The following LGR5 variants were observed in gnomAD, a reference collection of about 807,000 sequenced individuals.
LGR5 encodes leucine-rich repeat-containing G protein-coupled receptor 5.
Under a neutral mutation model 76.7 loss-of-function variants are expected in LGR5, and 54 were observed. The observed-to-expected ratio is 0.70, with a 90% CI of 0.57 to 0.88. The LOEUF (loss-of-function observed/expected upper bound fraction) is 0.88. Among genes scored for constraint, LGR5 ranks in the 40% least tolerant of loss-of-function variants. The probability of loss-of-function intolerance (pLI) is 0.00; values close to 1 mark genes in which losing one functional copy is unlikely to be tolerated. For missense variants in LGR5, 1,078 were observed against 1,073.3 expected, an observed-to-expected ratio of 1.00 and a Z score of -0.06; for synonymous variants, 406 against 421.9, an observed-to-expected ratio of 0.96 and a Z score of 0.46.
chr12:71,536,238 G>T (rs1876578665), intron 4 of LGR5, among the ~76,000 whole-genome samples: 1 of 152,214 alleles, frequency 6.6e-6, no homozygotes, highest in Admixed American at 6.5e-5. Context: ...GAATCCTTCG[G>T]TTAATAATTA....
chr12:71,567,660 C>T (rs1266349056), intron 11 of LGR5, among the ~76,000 whole-genome samples: 2 of 152,142 alleles, frequency 1.3e-5, no homozygotes, highest in Non-Finnish European at 2.9e-5. Flanking sequence ...TACTTAGCAG[C>T]ACTCAGAATG....
intron 16 of LGR5, among the ~76,000 whole-genome samples, chr12:71,581,875 G>T (rs1181616442): frequency 6.6e-6 from 1 of 152,132 alleles, no homozygotes; most frequent in Non-Finnish European, 1.5e-5. Flanking sequence ...AAAAATATTG[G>T]TCCCCAATTC....
intron 4 of LGR5, among the ~76,000 whole-genome samples, chr12:71,550,518 T>A (rs1877428843): frequency 6.7e-6 from 1 of 149,570 alleles, no homozygotes. Flanking sequence ...TGGAGTGCAG[T>A]GGCATGATCT....
At chr12:71,521,053 T>G (rs960993632) in intron 2 of LGR5, among the ~76,000 whole-genome samples, 1 of 152,218 alleles carries the variant, frequency 6.6e-6, no homozygotes, top group Non-Finnish European at 1.5e-5. Context: ...CTTCCCAACT[T>G]ACACTGACTT....
At chr12:71,451,869 C>T (rs904397165) in intron 1 of LGR5, among the ~76,000 whole-genome samples, 1 of 152,090 alleles carries the variant, frequency 6.6e-6, no homozygotes, top group Non-Finnish European at 1.5e-5. Flanking sequence ...GGGAGTGCAC[C>T]TTTCATATGC....
intron 1 of LGR5, among the ~76,000 whole-genome samples, chr12:71,446,156 T>C (rs904116190): frequency 6.6e-6 from 1 of 152,196 alleles, no homozygotes; most frequent in Non-Finnish European, 1.5e-5. Context: ...AACCAGCTGC[T>C]GAAATCCCAG....
intron 1 of LGR5, among the ~76,000 whole-genome samples, chr12:71,469,983 G>C (rs1240118774): frequency 6.6e-6 from 1 of 152,068 alleles, no homozygotes; most frequent in African/African-American, 2.4e-5. Context: ...TTCTCACCTG[G>C]ATTATTGAAG....
intron 13 of LGR5, among the ~76,000 whole-genome samples, chr12:71,573,536 T>A (rs1795449): frequency 0.71 from 106,739 of 150,654 alleles, 40,277 homozygotes; most frequent in Non-Finnish European, 0.85. Flanking sequence ...TAAATTTTTT[T>A]AAAAAACTTA....
intron 1 of LGR5, among the ~76,000 whole-genome samples, chr12:71,497,472 TA>T (rs538563357): frequency 8.7e-4 from 132 of 152,046 alleles, no homozygotes; most frequent in Non-Finnish European, 1.1e-3. Flanking sequence ...TATACTTCAA[TA>T]AAAAAAATTC....
rs1467057425 is a variant in LGR5 at position 71,527,631 on chromosome 12, G to A, written c.356+3154G>A. 4.6e-5 allele frequency among the ~76,000 whole-genome samples: 7 copies of A among 152,278 alleles called. No individual in the cohort carries two copies. The East Asian group carries it at 1.4e-3, about 29-fold the overall frequency. On this transcript the variant is annotated intron_variant, in intron 3 of 17. Transcript: ENST00000266674. ...GCAAACTTTTGAGGAAATTCATTGA[G>A]ATCACCATTTCTTATTTTTCTGCTA...
chr12:71,573,801 A>T (rs767785518), intron 13 of LGR5, among the ~76,000 whole-genome samples: 1 of 152,042 alleles, frequency 6.6e-6, no homozygotes, highest in Non-Finnish European at 1.5e-5. Context: ...TTACCTTAAT[A>T]ACCTTAATAA....
At chr12:71,479,798 T>G (rs866846196) in intron 1 of LGR5, among the ~76,000 whole-genome samples, 10 of 151,466 alleles carry the variant, frequency 6.6e-5, no homozygotes, top group Admixed American at 1.3e-4. Flanking sequence ...AACTTCACAG[T>G]GGTGGGTATA....
At chr12:71,451,311 C>A (rs1872242056) in intron 1 of LGR5, among the ~76,000 whole-genome samples, 1 of 152,160 alleles carries the variant, frequency 6.6e-6, no homozygotes, top group Non-Finnish European at 1.5e-5. Flanking sequence ...CTTTTCACAT[C>A]CAGTTAGGTT....
At chr12:71,554,462 C>T (rs554015545) in intron 5 of LGR5, among the ~76,000 whole-genome samples, 2 of 152,286 alleles carry the variant, frequency 1.3e-5, no homozygotes, top group African/African-American at 4.8e-5. Context: ...GTCTTGTGGC[C>T]TCTGGCTGCC....
intron 8 of LGR5, among the ~76,000 whole-genome samples, chr12:71,566,121 A>G (rs1413679375): frequency 6.6e-6 from 1 of 152,182 alleles, no homozygotes; most frequent in East Asian, 1.9e-4. Flanking sequence ...GAAACTGTTA[A>G]GTATTCAATT....
intron 1 of LGR5, among the ~76,000 whole-genome samples, chr12:71,458,355 T>G (rs1872568855): frequency 6.6e-6 from 1 of 152,104 alleles, no homozygotes; most frequent in African/African-American, 2.4e-5. Flanking sequence ...CTCAACAAGC[T>G]TCAAGGTTAT....
chr12:71,498,065 G>A (rs1312285953), intron 1 of LGR5, among the ~76,000 whole-genome samples: 1 of 152,072 alleles, frequency 6.6e-6, no homozygotes. Flanking sequence ...GGAGCAGAAG[G>A]AAAAAGAGGA....
chr12:71,564,795 A>G (rs1592550776), intron 8 of LGR5, among the ~76,000 whole-genome samples: 1 of 149,834 alleles, frequency 6.7e-6, no homozygotes, highest in East Asian at 2.0e-4. Context: ...ACATATATAC[A>G]TATATGTACA....
intron 1 of LGR5, 76 bp from the exon 2 acceptor site, chr12:71,504,538 A>G: frequency 9.2e-7 from 1 of 1,092,152 alleles, no homozygotes; most frequent in Non-Finnish European, 1.4e-6. Context: ...TTGTTTGGAA[A>G]TGTGTGAATT....
Sources: allele counts gnomAD v4.1 joint callset (sites outside exome capture counted in the v4.1 genomes callset), GRCh38; gene constraint gnomAD v4.1.1; transcripts MANE v1.5; gene names NCBI Gene and HGNC (gene_info 2026-07-23, HGNC 2026-07-21).